RGS7: variants seen among roughly 807,000 people sequenced by gnomAD.
The protein encoded by RGS7 is regulator of G-protein signaling 7.
RGS7 carries 27 observed loss-of-function variants against 81.1 expected under a neutral mutation model. The ratio of observed to expected loss-of-function variants is 0.33; its 90% CI spans 0.25 to 0.46. RGS7 has a LOEUF of 0.46. Ranked by LOEUF, RGS7 falls within the 20% of genes least tolerant of loss-of-function variation. The pLI is 1.00. For missense variants in RGS7, 396 were observed against 607.4 expected (o/e 0.65, Z 3.66); for synonymous variants, 208 against 207.7 (o/e 1.00, Z -0.01).
intron 2 of RGS7, among the ~76,000 whole-genome samples, chr1:241,204,950 ATATAT>A (rs573552938): frequency 4.6e-4 from 70 of 152,296 alleles, no homozygotes; most frequent in African/African-American, 1.3e-3. Flanking sequence ...ATGTATACTC[ATATAT>A]TATATAAACA....
At position 241,355,640 on chromosome 1, in the gene RGS7, G is replaced by GA. The variant is rs370728853; in HGVS notation, c.78+58dup. ...TGATACATACTCTGATCTAGAGGGG[G>GA]AAAAAAATCGAGAAAGCCGGAAGTT... On this transcript the variant is annotated intron_variant, in intron 2 of 18. Transcript: ENST00000440928. The GA allele has an allele frequency of 1.7e-4, 254 of 1,478,454 alleles. 1 individual carries two copies. In the African/African-American group the frequency reaches 2.8e-3, roughly 16 times the overall value. The allele number at this position is 1,478,454 out of a possible 1,614,324, so 91.6% of individuals were successfully genotyped here. A position where few individuals can be genotyped will look rare whatever the true frequency, so the allele number is the denominator to read the frequency against.
intron 6 of RGS7, among the ~76,000 whole-genome samples, chr1:240,881,972 T>C (rs78863985): frequency 5.5e-4 from 83 of 152,022 alleles, no homozygotes; most frequent in Non-Finnish European, 9.9e-4. Context: ...TGGAGTGTCA[T>C]AGTGGCATCT....
intron 3 of RGS7, among the ~76,000 whole-genome samples, chr1:241,040,872 T>A (rs1050715840): frequency 2.0e-5 from 3 of 152,186 alleles, no homozygotes; most frequent in African/African-American, 7.2e-5. Context: ...TTATAAATTT[T>A]CCCTGTTCTA....
At chr1:241,106,148 C>T (rs761123946) in intron 2 of RGS7, among the ~76,000 whole-genome samples, 13 of 152,180 alleles carry the variant, frequency 8.5e-5, no homozygotes, top group Non-Finnish European at 1.3e-4. Context: ...GAGTCAGTCT[C>T]TAATGAAAGT....
intron 9 of RGS7, among the ~76,000 whole-genome samples, chr1:240,867,970 C>T (rs886233634): frequency 2.5e-4 from 36 of 143,724 alleles, no homozygotes; most frequent in African/African-American, 8.9e-4. Context: ...CACTGTACTC[C>T]AGCCTGGGCC....
intron 18 of RGS7, among the ~76,000 whole-genome samples, chr1:240,793,803 G>A (rs1686519724): frequency 6.6e-6 from 1 of 151,092 alleles, no homozygotes; most frequent in South Asian, 2.1e-4. Context: ...TAGTAGAGAC[G>A]GGGTTTCACC....
chr1:240,929,824 C>T (rs1675096998), intron 6 of RGS7, among the ~76,000 whole-genome samples: 1 of 152,176 alleles, frequency 6.6e-6, no homozygotes, highest in South Asian at 2.1e-4. Flanking sequence ...CAGGGAAAGT[C>T]AATTTCTCAT....
chr1:240,927,802 A>G (rs1269201612), intron 6 of RGS7, among the ~76,000 whole-genome samples: 3 of 152,250 alleles, frequency 2.0e-5, no homozygotes, highest in Admixed American at 2.0e-4. Flanking sequence ...AAAAAAACCC[A>G]AACATAATAA....
intron 2 of RGS7, among the ~76,000 whole-genome samples, chr1:241,278,412 G>C (rs890487658): frequency 1.3e-5 from 2 of 152,012 alleles, no homozygotes; most frequent in Non-Finnish European, 2.9e-5. Flanking sequence ...TTCCCTGCAG[G>C]ACCTGTTCTT....
At chr1:241,082,724 T>C (rs190565009) in intron 3 of RGS7, among the ~76,000 whole-genome samples, 257 of 152,334 alleles carry the variant, frequency 1.7e-3, no homozygotes, top group African/African-American at 5.8e-3. Context: ...AGAATTGTAA[T>C]GTTCCTGACA....
At chr1:241,224,077 T>C (rs1446681659) in intron 2 of RGS7, among the ~76,000 whole-genome samples, 1 of 150,532 alleles carries the variant, frequency 6.6e-6, no homozygotes, top group African/African-American at 2.4e-5. Context: ...TATATATATA[T>C]ACCATATATA....
intron 2 of RGS7, 44 bp from the exon 3 acceptor site, chr1:241,098,806 T>C (rs1205461457): frequency 1.4e-6 from 2 of 1,450,542 alleles, no homozygotes; most frequent in South Asian, 2.3e-5. Flanking sequence ...AAGTTGAACT[T>C]TTTTGAAAAA....
intron 10 of RGS7, among the ~76,000 whole-genome samples, chr1:240,820,711 G>A (rs1344361738): frequency 2.0e-5 from 3 of 152,114 alleles, no homozygotes; most frequent in Non-Finnish European, 4.4e-5. Flanking sequence ...AGCACAGAGT[G>A]AGCTCGCGAA....
intron 2 of RGS7, among the ~76,000 whole-genome samples, chr1:241,235,694 TTC>T (rs746138115): frequency 6.7e-6 from 1 of 149,272 alleles, no homozygotes; most frequent in South Asian, 2.2e-4. Context: ...CTCTCTCTCT[TTC>T]TCTCTTTCCT....
At chr1:241,030,377 T>TATATATATATATATATATAC (rs71793632) in intron 3 of RGS7, among the ~76,000 whole-genome samples, 4 of 137,384 alleles carry the variant, frequency 2.9e-5, no homozygotes, top group South Asian at 2.3e-4. Flanking sequence ...TATATATACA[T>TATATATATATATATATATAC]ACACACATAC....
chr1:241,352,400 TC>T (rs2083300359), intron 2 of RGS7, among the ~76,000 whole-genome samples: 1 of 152,196 alleles, frequency 6.6e-6, no homozygotes, highest in Non-Finnish European at 1.5e-5. Flanking sequence ...CAAGACACCC[TC>T]AAGTACATAA....
At chr1:241,099,562 T>C (rs1028759535) in intron 2 of RGS7, among the ~76,000 whole-genome samples, 1 of 152,228 alleles carries the variant, frequency 6.6e-6, no homozygotes, top group Non-Finnish European at 1.5e-5. Context: ...AAATTGCTGG[T>C]AATTCTAAAG....
At chr1:241,211,774 T>C (rs2147928815) in intron 2 of RGS7, among the ~76,000 whole-genome samples, 1 of 152,310 alleles carries the variant, frequency 6.6e-6, no homozygotes, top group South Asian at 2.1e-4. Flanking sequence ...GAAAGGAAAC[T>C]GGACAAAGAG....
intron 18 of RGS7, among the ~76,000 whole-genome samples, chr1:240,794,960 A>C (rs992406438): frequency 6.6e-6 from 1 of 152,116 alleles, no homozygotes; most frequent in East Asian, 1.9e-4. Context: ...AGGCAGGCGG[A>C]TCACCTGAGG....
Sources: gnomAD v4.1 joint callset for allele counts (sites outside exome capture counted in the v4.1 genomes callset) on GRCh38, gnomAD v4.1.1 for gene constraint, MANE v1.5 for transcripts, NCBI Gene and HGNC (gene_info 2026-07-23, HGNC 2026-07-21) for gene names.